The following ARID5B variants were observed in gnomAD, a reference collection of about 807,000 sequenced individuals.
ARID5B encodes AT-rich interactive domain-containing protein 5B.
Under a neutral mutation model 97.2 loss-of-function variants are expected in ARID5B, and 13 were observed. The observed-to-expected ratio is 0.13, with a 90% CI of 0.09 to 0.21. The LOEUF (loss-of-function observed/expected upper bound fraction) is 0.21, where lower values mean the gene tolerates loss of function less well. Among genes scored for constraint, ARID5B ranks in the 10% least tolerant of loss-of-function variants. The probability of loss-of-function intolerance (pLI) is 1.00; values close to 1 mark genes in which losing one functional copy is unlikely to be tolerated. For missense variants in ARID5B, 1,210 were observed against 1,465.3 expected (o/e 0.83, Z 2.84); for synonymous variants, 556 against 570.3 (o/e 0.97, Z 0.36).
At chr10:62,002,777 G>A (rs1056350015) in intron 4 of ARID5B, among the ~76,000 whole-genome samples, 5 of 152,174 alleles carry the variant, frequency 3.3e-5, no homozygotes, top group East Asian at 1.9e-4. Flanking sequence ...ACTGCCAGAT[G>A]ACTGAAACAC....
intron 4 of ARID5B, among the ~76,000 whole-genome samples, chr10:62,005,510 G>A (rs1341764167): frequency 1.3e-5 from 2 of 152,102 alleles, no homozygotes; most frequent in Non-Finnish European, 2.9e-5. Flanking sequence ...AGGCTCCTGG[G>A]GTCTTACTAT....
intron 2 of ARID5B, among the ~76,000 whole-genome samples, chr10:61,912,725 C>G (rs116870695): frequency 6.6e-6 from 1 of 150,602 alleles, no homozygotes; most frequent in Non-Finnish European, 1.5e-5. Flanking sequence ...GATAACTTGT[C>G]CTGTTATCTC....
chr10:61,975,150 C>G (rs1838682113), intron 3 of ARID5B, among the ~76,000 whole-genome samples: 1 of 151,740 alleles, frequency 6.6e-6, no homozygotes, highest in Non-Finnish European at 1.5e-5. Flanking sequence ...GCTGTGCAAC[C>G]CAGAGCATAG....
At chr10:61,981,235 C>T (rs1294369092) in intron 3 of ARID5B, among the ~76,000 whole-genome samples, 1 of 152,032 alleles carries the variant, frequency 6.6e-6, no homozygotes, top group African/African-American at 2.4e-5. Flanking sequence ...TGTATTCTAG[C>T]AGGACAGTGC....
rs2132988873 is a variant in ARID5B at position 62,093,142 on chromosome 10, T to C, written c.*112T>C. 1.4e-6 allele frequency: 2 copies of C among 1,463,106 alleles called. No individual in the cohort carries two copies. Among genetic ancestry groups the C allele is most frequent in the South Asian group, 1.4e-5 (1 of 72,770 alleles). The allele number at this position is 1,463,106 out of a possible 1,614,324, so 90.6% of individuals were successfully genotyped here. A position where few individuals can be genotyped will look rare whatever the true frequency, so the allele number is the denominator to read the frequency against. ...CAGTATTTCTTCTAATCTGAGGCTA[T>C]GATCAGTCCCAGCTGTAGGGGCCCA... On this transcript the variant is annotated 3_prime_UTR_variant, in exon 10 of 10. Coordinates refer to ENST00000279873, the MANE Select transcript of ARID5B (RefSeq NM_032199.3).
chr10:62,029,234 C>T (rs1026216495), intron 4 of ARID5B, among the ~76,000 whole-genome samples: 1 of 152,152 alleles, frequency 6.6e-6, no homozygotes, highest in East Asian at 1.9e-4. Context: ...TCCATGTCCA[C>T]GTCATAGGGA....
chr10:61,970,868 T>C (rs779153225), intron 3 of ARID5B, among the ~76,000 whole-genome samples: 2 of 152,200 alleles, frequency 1.3e-5, no homozygotes, highest in African/African-American at 2.4e-5. Context: ...TTATGTGACT[T>C]TCCCCCTAAA....
intron 2 of ARID5B, among the ~76,000 whole-genome samples, chr10:61,927,198 A>C (rs1241440102): frequency 1.3e-5 from 2 of 152,166 alleles, no homozygotes; most frequent in Non-Finnish European, 2.9e-5. Flanking sequence ...AGTAATCACC[A>C]TTATTTCATG....
intron 4 of ARID5B, among the ~76,000 whole-genome samples, chr10:62,020,010 C>T (rs1839335478): frequency 6.6e-6 from 1 of 152,110 alleles, no homozygotes; most frequent in African/African-American, 2.4e-5. Context: ...AGAAGCGAGT[C>T]TCAGCCCATA....
At position 62,091,177 on chromosome 10, in the gene ARID5B, G is replaced by A. The variant is rs1397207881; in HGVS notation, c.1714G>A (p.Asp572Asn). 1.2e-6 allele frequency: 2 copies of A among 1,614,128 alleles called. No homozygotes were observed. Among genetic ancestry groups the A allele is most frequent in the African/African-American group, 2.7e-5 (2 of 75,026 alleles). The change falls in exon 10 of 10, where the codon GAC becomes AAC. Residue 572 changes from aspartate (D) to asparagine (N), a missense_variant. Physicochemically the swap from Asp to Asn is conservative, Grantham distance 23. Around this residue, in one of 8 missense-constraint regions of ARID5B, gnomAD observed 800 missense variants for 839.1 expected, o/e 0.95. Coordinates refer to ENST00000279873, the MANE Select transcript of ARID5B (RefSeq NM_032199.3). ...QPLTSPSALV[D>N]SKQESKLCCF... ...ACTCACCTCTCCTAGTGCCCTGGTG[G>A]ACTCAAAACAAGAATCCAAACTGTG...
At chr10:62,022,447 C>T (rs865884824) in intron 4 of ARID5B, among the ~76,000 whole-genome samples, 6 of 152,206 alleles carry the variant, frequency 3.9e-5, no homozygotes, top group Non-Finnish European at 5.9e-5. Flanking sequence ...TCACACCTTT[C>T]GCAGGAAAGA....
chr10:62,024,430 A>G (rs1839394578), intron 4 of ARID5B, among the ~76,000 whole-genome samples: 1 of 152,294 alleles, frequency 6.6e-6, no homozygotes, highest in East Asian at 1.9e-4. Context: ...TTTGAGGCTT[A>G]TTTCAGAAAC....
chr10:62,012,275 C>G (rs1041824522), intron 4 of ARID5B, among the ~76,000 whole-genome samples: 1 of 152,120 alleles, frequency 6.6e-6, no homozygotes, highest in African/African-American at 2.4e-5. Context: ...AACCTCAGCA[C>G]TTTGAGAGGC....
chr10:62,007,956 CA>C (rs1347254373), intron 4 of ARID5B, among the ~76,000 whole-genome samples: 3 of 151,998 alleles, frequency 2.0e-5, no homozygotes, highest in Non-Finnish European at 4.4e-5. Flanking sequence ...CCCAGTGTGT[CA>C]TTATCTTTCT....
intron 8 of ARID5B, among the ~76,000 whole-genome samples, chr10:62,070,427 C>A (rs1185323977): frequency 6.6e-6 from 1 of 152,182 alleles, no homozygotes; most frequent in Non-Finnish European, 1.5e-5. Context: ...CCATTATTCA[C>A]ACCGTTAAAG....
intron 3 of ARID5B, among the ~76,000 whole-genome samples, chr10:61,996,120 G>T (rs1434025739): frequency 1.3e-5 from 2 of 152,128 alleles, no homozygotes; most frequent in Non-Finnish European, 2.9e-5. Context: ...CCTATCACAT[G>T]CATAGAAAGT....
At chr10:61,953,008 T>C (rs1564611888) in intron 3 of ARID5B, among the ~76,000 whole-genome samples, 1 of 152,084 alleles carries the variant, frequency 6.6e-6, no homozygotes, top group Non-Finnish European at 1.5e-5. Flanking sequence ...CCTTTTTTTT[T>C]ATTATTATCG....
intron 2 of ARID5B, among the ~76,000 whole-genome samples, chr10:61,912,773 C>T (rs1843829381): frequency 1.3e-5 from 2 of 148,894 alleles, no homozygotes; most frequent in Admixed American, 1.3e-4. Flanking sequence ...TTTTTTTTAA[C>T]CCTTCCAAGG....
intron 4 of ARID5B, among the ~76,000 whole-genome samples, chr10:62,030,297 T>C (rs567733457): frequency 2.6e-5 from 4 of 152,078 alleles, no homozygotes; most frequent in Non-Finnish European, 5.9e-5. Flanking sequence ...GCCCAGCTAA[T>C]TTTTGTATTT....
Sources: gnomAD v4.1 joint callset for allele counts (sites outside exome capture counted in the v4.1 genomes callset) on GRCh38, gnomAD v4.1.1 for gene constraint, gnomAD v4.1.1 regional missense constraint, MANE v1.5 for transcripts, NCBI Gene and HGNC (gene_info 2026-07-23, HGNC 2026-07-21) for gene names.